Variants in USP53 observed in about 807,000 individuals in gnomAD.
USP53 encodes ubiquitin carboxyl-terminal hydrolase 53.
In USP53, 71 loss-of-function variants were observed where a neutral mutation model predicts 94.9. The ratio of observed to expected loss-of-function variants is 0.75; its 90% CI spans 0.62 to 0.91. The LOEUF (loss-of-function observed/expected upper bound fraction) is 0.91, where lower values mean the gene tolerates loss of function less well. Ranked by LOEUF, USP53 falls within the 40% of genes least tolerant of loss-of-function variation. The probability of loss-of-function intolerance (pLI) is 0.00; values close to 1 mark genes in which losing one functional copy is unlikely to be tolerated. For synonymous variants in USP53, 375 were observed against 422.7 expected, an observed-to-expected ratio of 0.89 and a Z score of 1.39; for missense variants, 1,173 against 1,281.0, an observed-to-expected ratio of 0.92 and a Z score of 1.29.
chr4:119,216,798 T>C (rs1273938736), intron 2 of USP53, among the ~76,000 whole-genome samples: 1 of 152,204 alleles, frequency 6.6e-6, no homozygotes, highest in Non-Finnish European at 1.5e-5. Flanking sequence ...AAAGCAATGG[T>C]TAAGTTTAAT....
chr4:119,261,046 G>A (rs1750458504), intron 11 of USP53, among the ~76,000 whole-genome samples: 1 of 136,304 alleles, frequency 7.3e-6, no homozygotes, highest in Non-Finnish European at 1.5e-5. Context: ...TACAACCTCT[G>A]CCTCCCAGGC....
At chr4:119,253,447 A>T (rs1401540356) in intron 7 of USP53, among the ~76,000 whole-genome samples, 5 of 152,138 alleles carry the variant, frequency 3.3e-5, no homozygotes, top group Non-Finnish European at 2.9e-5. Flanking sequence ...CTTCTTATTG[A>T]ATTGATCCCT....
At chr4:119,265,665 T>A (rs1309728307) in intron 12 of USP53, among the ~76,000 whole-genome samples, 1 of 116,618 alleles carries the variant, frequency 8.6e-6, no homozygotes, top group Non-Finnish European at 1.9e-5. Flanking sequence ...TGAGACCTTT[T>A]CTCAAAACAA....
rs1423450636 is a variant in USP53, at chr4:119,294,232, T to G, written c.*1021T>G. ...TGCTGTAATATTACCTGCTTATAGG[T>G]TGTCAACCCATTTTATCTGAATTTG... On this transcript the variant is annotated 3_prime_UTR_variant, in exon 19 of 19. Transcript: ENST00000692078. The G allele has an allele frequency of 6.6e-6, 1 of 152,082 alleles. No individual in the cohort carries two copies. The highest frequency in any genetic ancestry group is 1.5e-5 in the Non-Finnish European group (1 of 67,950). 9.4% of individuals were successfully genotyped at this position (152,082 alleles called of 1,614,324 possible).
At chr4:119,268,484 G>C in intron 14 of USP53, 64 bp downstream of exon 14, 1 of 1,420,582 alleles carries the variant, frequency 7.0e-7, no homozygotes, top group South Asian at 1.6e-5. Flanking sequence ...TTCACTTATC[G>C]GAGGATGCTT....
At chr4:119,272,809 T>G (rs531208517) in intron 16 of USP53, 1 of 152,340 alleles carries the variant, frequency 6.6e-6, no homozygotes, top group South Asian at 2.1e-4. Flanking sequence ...ATGGAAGAGA[T>G]ATTTTCCCTT....
At position 119,239,791 on chromosome 4, in the gene USP53, G is replaced by T. The variant is rs772051484; in HGVS notation, c.32G>T (p.Gly11Val). Residue 11 changes from glycine to valine, a missense_variant, in exon 5 of 19, where the codon GGT becomes GTT. Transcript: ENST00000692078. The stretch of plus-strand genomic sequence containing the variant: ...TGGGTAAAATTCTTACGGAAACCTG[G>T]TGGCAATCTTGGAAAAGTTTATCAG... MAWVKFLRKP[G>V]GNLGKVYQPG... is the part of the protein sequence containing the mutation. The T allele has an allele frequency of 6.2e-7, 1 of 1,611,576 alleles. No homozygotes were observed. Among genetic ancestry groups the T allele is most frequent in the South Asian group, 1.1e-5 (1 of 90,440 alleles).
rs1019878090 is a variant in USP53, at chr4:119,294,379, C to T, written c.*1168C>T. 1 of 151,790 alleles carries T rather than the reference C, an allele frequency of 6.6e-6. No individual in the cohort carries two copies. Among genetic ancestry groups the T allele is most frequent in the African/African-American group, 2.4e-5 (1 of 41,346 alleles). The allele number at this position is 151,790 out of a possible 1,614,324, so 9.4% of individuals were successfully genotyped here. A position where few individuals can be genotyped will look rare whatever the true frequency, so the allele number is the denominator to read the frequency against. ...TACTTTGAACAAATAGTAATTTTAC[C>T]CCAACTACTTTTCATGAAGAGTGCT... On this transcript the variant is annotated 3_prime_UTR_variant, in exon 19 of 19. Transcript: ENST00000692078.
intron 7 of USP53, among the ~76,000 whole-genome samples, chr4:119,253,750 A>G (rs2149364911): frequency 6.6e-6 from 1 of 152,232 alleles, no homozygotes; most frequent in East Asian, 1.9e-4. Context: ...TGTGAATTTG[A>G]TCCTGTCATT....
intron 3 of USP53, among the ~76,000 whole-genome samples, chr4:119,231,636 A>G (rs914405111): frequency 2.5e-4 from 38 of 152,260 alleles, no homozygotes; most frequent in African/African-American, 8.2e-4. Flanking sequence ...AGGGCTCAGC[A>G]TATAGTTGTA....
In USP53 at chr4:119,239,842, C is replaced by T; in HGVS notation, c.83C>T (p.Pro28Leu). ...YQPGSMLSLA[P>L]TKGLLNEPGQ... ...CCTGGAAGTATGCTATCACTAGCCC[C>T]TACCAAAGGCTTGTTAAATGAACCA... Residue 28 changes from proline to leucine, a missense_variant, in exon 5 of 19, where the codon CCT becomes CTT. By Grantham distance (98) the Pro-to-Leu change is moderately conservative. Coordinates refer to ENST00000692078, the MANE Select transcript of USP53 (RefSeq NM_001371395.1). The T allele has an allele frequency of 8.7e-6, 14 of 1,612,592 alleles. No homozygotes were observed. The highest frequency in any genetic ancestry group is 1.2e-5 in the Non-Finnish European group (14 of 1,179,298).
chr4:119,217,453 T>C (rs76055988), intron 2 of USP53, 97 bp from the exon 3 acceptor site: 2,021 of 152,356 alleles, frequency 0.013, 50 homozygotes, highest in African/African-American at 0.046. Flanking sequence ...CACTGTTTTT[T>C]CCAAAGGGTT....
At chr4:119,260,681 C>T in intron 11 of USP53, 28 bp downstream of exon 11, 10 of 1,604,712 alleles carry the variant, frequency 6.2e-6, no homozygotes, top group Non-Finnish European at 8.5e-6. Context: ...ATTCCCTTCC[C>T]TTTTATTTTC....
chr4:119,265,722 C>T (rs1407154319), intron 12 of USP53, among the ~76,000 whole-genome samples: 1 of 151,484 alleles, frequency 6.6e-6, no homozygotes, highest in Non-Finnish European at 1.5e-5. Flanking sequence ...CCTCAAGTCT[C>T]TTGGAATCCC....
intron 3 of USP53, chr4:119,219,532 GGGACTT>G (rs1158504539): frequency 1.3e-5 from 2 of 152,212 alleles, no homozygotes; most frequent in Admixed American, 1.3e-4. Context: ...TCATAGGTCT[GGGACTT>G]GGACATATGT....
intron 17 of USP53, 34 bp downstream of exon 17, chr4:119,273,742 A>G (rs1425903095): frequency 6.5e-7 from 1 of 1,538,906 alleles, no homozygotes; most frequent in Non-Finnish European, 8.9e-7. Context: ...TAGTTGCTGT[A>G]AAAAATGAAT....
At chr4:119,266,039 C>T (rs1561291612) in intron 12 of USP53, among the ~76,000 whole-genome samples, 1 of 152,180 alleles carries the variant, frequency 6.6e-6, no homozygotes, top group East Asian at 1.9e-4. Context: ...ATACTCCCCA[C>T]ACCACCCCAG....
Position 119,271,787 on chromosome 4 carries a change from G to A in USP53, c.1927G>A (p.Glu643Lys). 6.2e-7 allele frequency: 1 copy of A among 1,612,968 alleles called. No homozygotes were observed. Among genetic ancestry groups the A allele is most frequent in the Non-Finnish European group, 8.5e-7 (1 of 1,179,796 alleles). ...GCAAAAAGGTTTAATGACCATATAT[G>A]AAGATGAAATGAAGCAGGAAATAGG... ...PKQKGLMTIY[E>K]DEMKQEIGSR... Residue 643 changes from glutamate to lysine, a missense_variant, in exon 16 of 19, where the codon GAA becomes AAA. Transcript: ENST00000692078.
chr4:119,240,261 A>G (rs1032636063), intron 5 of USP53, among the ~76,000 whole-genome samples: 3 of 152,176 alleles, frequency 2.0e-5, no homozygotes, highest in African/African-American at 7.2e-5. Flanking sequence ...TAGAATAAAA[A>G]GACATAAGCT....
Sources: gnomAD v4.1 joint callset for allele counts (sites outside exome capture counted in the v4.1 genomes callset) on GRCh38, gnomAD v4.1.1 for gene constraint, MANE v1.5 for transcripts, NCBI Gene and HGNC (gene_info 2026-07-23, HGNC 2026-07-21) for gene names.